KLF12: variants seen among roughly 807,000 people sequenced by gnomAD.
The protein encoded by KLF12 is KLF transcription factor 12, also known as Krueppel-like factor 12.
Under a neutral mutation model 37.8 loss-of-function variants are expected in KLF12, and 9 were observed. The observed-to-expected ratio is 0.24, with a 90% confidence interval of 0.14 to 0.42. KLF12 has a LOEUF of 0.42. Ranked by LOEUF, KLF12 falls within the 10% of genes least tolerant of loss-of-function variation. The pLI, the probability that KLF12 is intolerant of heterozygous loss-of-function variation, is 1.00. For missense variants in KLF12, 411 were observed against 516.0 expected (o/e 0.80, Z 1.97); for synonymous variants, 208 against 202.1 (o/e 1.03, Z -0.25).
intron 6 of KLF12, among the ~76,000 whole-genome samples, chr13:73,750,895 A>G (rs747452280): frequency 4.6e-5 from 7 of 152,208 alleles, no homozygotes; most frequent in Non-Finnish European, 1.0e-4. Context: ...GAAGATGGAA[A>G]CAATTTGTGA....
the KLF12 span, chr13:74,259,468 G>C: frequency 6.6e-6 from 1 of 152,150 alleles, no homozygotes; most frequent in Admixed American, 6.5e-5. Context: ...TCTTCCACTT[G>C]GAATCTGTTC....
chr13:73,852,909 G>A (rs1350592626), intron 3 of KLF12, among the ~76,000 whole-genome samples: 2 of 137,004 alleles, frequency 1.5e-5, no homozygotes, highest in Admixed American at 7.6e-5. Context: ...TTGGTCTGTC[G>A]CCCAGGCTGG....
intron 3 of KLF12, among the ~76,000 whole-genome samples, chr13:73,937,726 C>T (rs1168619225): frequency 6.6e-6 from 1 of 152,206 alleles, no homozygotes; most frequent in Non-Finnish European, 1.5e-5. Context: ...ATTTGTCTGC[C>T]TGCTATATTT....
At chr13:73,945,327 G>T (rs897185916) in intron 2 of KLF12, among the ~76,000 whole-genome samples, 2 of 152,136 alleles carry the variant, frequency 1.3e-5, no homozygotes, top group African/African-American at 4.8e-5. Flanking sequence ...AAATTAGCTG[G>T]GCGTGGTGGC....
At chr13:73,768,240 T>C (rs757198659) in intron 5 of KLF12, among the ~76,000 whole-genome samples, 17 of 152,016 alleles carry the variant, frequency 1.1e-4, no homozygotes, top group East Asian at 5.8e-4. Flanking sequence ...GGCTGCGAGG[T>C]TTAAATCAGT....
the KLF12 span, among the ~76,000 whole-genome samples, chr13:74,144,021 C>A: frequency 1.3e-5 from 2 of 152,156 alleles, no homozygotes; most frequent in Non-Finnish European, 2.9e-5. Flanking sequence ...TTGTTACATA[C>A]AGTCTGTCTG....
intron 1 of KLF12, among the ~76,000 whole-genome samples, chr13:74,108,640 A>T (rs907477315): frequency 6.6e-6 from 1 of 152,176 alleles, no homozygotes; most frequent in African/African-American, 2.4e-5. Flanking sequence ...TAAACACTTG[A>T]CTAACACCAC....
the KLF12 span, among the ~76,000 whole-genome samples, chr13:74,244,042 A>G: frequency 3.3e-5 from 5 of 152,374 alleles, no homozygotes; most frequent in Middle Eastern, 3.4e-3. Context: ...CAGGATGTTT[A>G]CCAAATGAAT....
At chr13:74,179,086 C>T in the KLF12 span, among the ~76,000 whole-genome samples, 1 of 152,172 alleles carries the variant, frequency 6.6e-6, no homozygotes, top group African/African-American at 2.4e-5. Flanking sequence ...TCTTTCCTTC[C>T]TTTGTGCATG....
At chr13:73,802,681 C>A (rs1882344250) in intron 5 of KLF12, among the ~76,000 whole-genome samples, 1 of 152,058 alleles carries the variant, frequency 6.6e-6, no homozygotes, top group Non-Finnish European at 1.5e-5. Context: ...CCATGAGTAC[C>A]CACTATGTAG....
At chr13:73,860,752 T>C (rs553535671) in intron 3 of KLF12, among the ~76,000 whole-genome samples, 1 of 152,160 alleles carries the variant, frequency 6.6e-6, no homozygotes, top group East Asian at 1.9e-4. Flanking sequence ...TATGAATTAA[T>C]TACCCCGTGA....
intron 1 of KLF12, among the ~76,000 whole-genome samples, chr13:74,013,193 G>A (rs1481015592): frequency 6.6e-6 from 1 of 152,342 alleles, no homozygotes; most frequent in Admixed American, 6.5e-5. Flanking sequence ...GTTACCAAAA[G>A]GCTAACTGGG....
chr13:74,107,124 G>A lies in KLF12; in HGVS notation c.-32+26615C>T, dbSNP rs900407289. Among the ~76,000 whole-genome samples, 5 of 152,288 alleles carry A rather than the reference G, an allele frequency of 3.3e-5. No individual in the cohort carries two copies. The East Asian group carries it at 9.6e-4, about 29-fold the overall frequency. ...TGGAAGGGATGTGGGGGGCTAGGGT[G>A]CTCCCTTGAATTATTTTATAAGGGC... On this transcript the variant is annotated intron_variant, in intron 1 of 7. Coordinates refer to ENST00000377669, the MANE Select transcript of KLF12 (RefSeq NM_007249.5).
chr13:74,291,663 G>C, the KLF12 span, among the ~76,000 whole-genome samples: 4 of 152,338 alleles, frequency 2.6e-5, no homozygotes, highest in South Asian at 8.3e-4. Flanking sequence ...AAGTGTTCAT[G>C]TGTAGGAGAA....
intron 1 of KLF12, among the ~76,000 whole-genome samples, chr13:74,007,428 C>T (rs1053174886): frequency 1.4e-4 from 12 of 87,544 alleles, no homozygotes; most frequent in Admixed American, 4.3e-4. Flanking sequence ...CCCGCCACCA[C>T]GCCCGGTAAT....
intron 5 of KLF12, among the ~76,000 whole-genome samples, chr13:73,781,413 G>A (rs1181930229): frequency 2.0e-5 from 3 of 152,110 alleles, no homozygotes; most frequent in African/African-American, 7.2e-5. Flanking sequence ...TAACTTTTCT[G>A]TTAGAGCTAA....
intron 1 of KLF12, among the ~76,000 whole-genome samples, chr13:74,110,504 G>T (rs1876910660): frequency 6.6e-6 from 1 of 152,096 alleles, no homozygotes; most frequent in Admixed American, 6.5e-5. Flanking sequence ...TATCTTACTG[G>T]CCTTTCTTTA....
intron 2 of KLF12, chr13:73,960,313 C>T (rs193198175): frequency 3.0e-5 from 8 of 262,516 alleles, no homozygotes; most frequent in South Asian, 1.1e-4. Flanking sequence ...AAAAAGCATG[C>T]TAAAATGATA....
intron 5 of KLF12, among the ~76,000 whole-genome samples, chr13:73,786,691 T>C (rs1881368321): frequency 6.9e-6 from 1 of 145,860 alleles, no homozygotes; most frequent in South Asian, 2.2e-4. Flanking sequence ...AAGACCAGCC[T>C]GGGCAACATG....
Sources: gnomAD v4.1 joint callset for allele counts (sites outside exome capture counted in the v4.1 genomes callset) on GRCh38, gnomAD v4.1.1 for gene constraint, MANE v1.5 for transcripts, NCBI Gene and HGNC (gene_info 2026-07-23, HGNC 2026-07-21) for gene names.